The following PCSK6 variants were observed in gnomAD, a reference collection of about 807,000 sequenced individuals.
PCSK6 encodes the protein proprotein convertase subtilisin/kexin type 6, also known as paired basic amino acid cleaving enzyme 4.
PCSK6 carries 85 observed loss-of-function variants against 123.3 expected under a neutral mutation model. That is an observed-to-expected ratio of 0.69 (90% CI 0.58 to 0.83). PCSK6 has a LOEUF of 0.83. Ranked by LOEUF, PCSK6 falls within the 40% of genes least tolerant of loss-of-function variation. The pLI is 0.00. For synonymous variants in PCSK6, 508 were observed against 516.0 expected (o/e 0.98, Z 0.21); for missense variants, 1,191 against 1,282.3 (o/e 0.93, Z 1.09).
chr15:101,452,810 C>T (rs550739810), intron 1 of PCSK6, among the ~76,000 whole-genome samples: 1 of 73,424 alleles, frequency 1.4e-5, no homozygotes, highest in East Asian at 7.5e-4. Flanking sequence ...CTGATAAAGA[C>T]CGGTGGAATT....
In PCSK6 at chr15:101,474,425, T is replaced by TG. The variant is rs576947335; in HGVS notation, c.297+14948dup. Among the ~76,000 whole-genome samples, 22 of 152,260 alleles carry TG rather than the reference T, an allele frequency of 1.4e-4. No individual in the cohort carries two copies. In the East Asian group the frequency reaches 3.9e-3, roughly 27 times the overall value. On this transcript the variant is annotated intron_variant, in intron 1 of 21. Coordinates refer to ENST00000611716, the MANE Select transcript of PCSK6 (RefSeq NM_002570.5). ...AAACTGGCGCCACGGCGGTGATCAC[T>TG]GGGGTGCGCAGCCTGCCTGACCCAT...
In PCSK6 at chr15:101,312,963, C is replaced by A. The variant is rs907067822; in HGVS notation, c.2699+413G>T. 19 of 1,021,604 alleles carry A rather than the reference C, an allele frequency of 1.9e-5. No individual in the cohort carries two copies. In the East Asian group the frequency reaches 9.8e-4, roughly 53 times the overall value. The allele number at this position is 1,021,604 out of a possible 1,614,324, so 63.3% of individuals were successfully genotyped here. ...GAGGTTGCAGTGAGCTGAGGTCACA[C>A]CAGTGCACTCCAGCCTGGGCGACAG... is the stretch of plus-strand genomic sequence containing the variant. On this transcript the variant is annotated intron_variant, in intron 20 of 21. Coordinates refer to ENST00000611716, the MANE Select transcript of PCSK6 (RefSeq NM_002570.5).
At chr15:101,429,247 AG>A (rs2056364749) in intron 5 of PCSK6, among the ~76,000 whole-genome samples, 1 of 152,174 alleles carries the variant, frequency 6.6e-6, no homozygotes, top group East Asian at 1.9e-4. Context: ...GGAAAGAGAC[AG>A]CAAATGAATT....
At chr15:101,432,758 A>G (rs550884968) in intron 2 of PCSK6, among the ~76,000 whole-genome samples, 1 of 152,360 alleles carries the variant, frequency 6.6e-6, no homozygotes, top group Non-Finnish European at 1.5e-5. Context: ...GTCCTGAAGA[A>G]AAAGGAAATA....
At chr15:101,341,228 C>T (rs1425859716) in intron 13 of PCSK6, among the ~76,000 whole-genome samples, 5 of 148,378 alleles carry the variant, frequency 3.4e-5, no homozygotes, top group South Asian at 2.1e-4. Flanking sequence ...AGCCGCACCG[C>T]GCCTGGCCAA....
rs763523679 is a variant in PCSK6 at position 101,398,354 on chromosome 15, A to C, written c.996+50T>G. ...CACTCTGATACTTGTTAAAATGTTT[A>C]CTGTCACCCTTGTCCCAGAGCGCTC... is the stretch of plus-strand genomic sequence containing the variant. On this transcript the variant is annotated intron_variant, in intron 7 of 21. Coordinates refer to ENST00000611716, the MANE Select transcript of PCSK6 (RefSeq NM_002570.5). This position sits in a 1 kb window ranked among gnomAD's most constrained non-coding sequence, Gnocchi z 4.6. The C allele has an allele frequency of 6.5e-7, 1 of 1,546,708 alleles. No individual in the cohort carries two copies. The highest frequency in any genetic ancestry group is 8.8e-7 in the Non-Finnish European group (1 of 1,139,232).
chr15:101,475,159 A>T (rs1342517085), intron 1 of PCSK6, among the ~76,000 whole-genome samples: 1 of 151,860 alleles, frequency 6.6e-6, no homozygotes, highest in Non-Finnish European at 1.5e-5. Context: ...TCCGTTCACT[A>T]CTCCTCTCGC....
At position 101,419,437 on chromosome 15, in the gene PCSK6, T is replaced by A. The variant is rs1304600243; in HGVS notation, c.823+8455A>T. Among the ~76,000 whole-genome samples, 3 of 151,682 alleles carry A rather than the reference T, an allele frequency of 2.0e-5. No homozygotes were observed. In the East Asian group the frequency reaches 5.8e-4, roughly 29 times the overall value. Reference sequence around the variant, plus strand: ...AAGAAGACCTGAATAAATAAAAACATACCATGCTCCTGGGTGGGAAGACTC... The same window carrying A: ...AAGAAGACCTGAATAAATAAAAACAAACCATGCTCCTGGGTGGGAAGACTC... On this transcript the variant is annotated intron_variant, in intron 6 of 21. Coordinates refer to ENST00000611716, the MANE Select transcript of PCSK6 (RefSeq NM_002570.5).
intron 6 of PCSK6, among the ~76,000 whole-genome samples, chr15:101,400,479 C>G (rs1334480828): frequency 1.3e-5 from 2 of 152,186 alleles, no homozygotes. Flanking sequence ...TCAAAAGCAG[C>G]AACTTTAAAT....
At chr15:101,401,885 C>T (rs1330351574) in intron 6 of PCSK6, among the ~76,000 whole-genome samples, 1 of 152,002 alleles carries the variant, frequency 6.6e-6, no homozygotes. Context: ...CATCAAGCTA[C>T]CAATGACTTT....
chr15:101,352,844 T>C lies in PCSK6; in HGVS notation c.1858+13352A>G, dbSNP rs148038945. On this transcript the variant is annotated intron_variant, in intron 13 of 21. Transcript: ENST00000611716. ...AACCCTTCTTTGTGAAGAAGAGATA[T>C]CTCAGTGATACTGAATCCTCCCATT... Among the ~76,000 whole-genome samples, 6 of 152,352 alleles carry C rather than the reference T, an allele frequency of 3.9e-5. No individual in the cohort carries two copies. In the East Asian group the frequency reaches 1.2e-3, roughly 29 times the overall value.
intron 6 of PCSK6, among the ~76,000 whole-genome samples, chr15:101,413,801 C>T (rs1433574777): frequency 6.6e-6 from 1 of 151,914 alleles, no homozygotes; most frequent in Non-Finnish European, 1.5e-5. Flanking sequence ...TCACAGGTAC[C>T]TCTTAAATAT....
intron 6 of PCSK6, among the ~76,000 whole-genome samples, chr15:101,427,198 G>T (rs1368953758): frequency 6.6e-6 from 1 of 151,884 alleles, no homozygotes; most frequent in Non-Finnish European, 1.5e-5. Context: ...AAGACCAGAC[G>T]CACGCGGGGC....
Position 101,433,361 on chromosome 15 carries a change from G to A in PCSK6, c.403-1261C>T, listed in dbSNP as rs28633166. ...CTTTTTCATTTTAAAAGGATCTTGGGGTAAAGACTTCTTGGACCCTGAGTG... is the reference window on the plus strand; with the variant it reads ...CTTTTTCATTTTAAAAGGATCTTGGAGTAAAGACTTCTTGGACCCTGAGTG... On this transcript the variant is annotated intron_variant, in intron 2 of 21. Transcript: ENST00000611716. Among the ~76,000 whole-genome samples the A allele has an allele frequency of 1.8e-3, 269 of 152,342 alleles. 1 individual carries two copies. The highest frequency in any genetic ancestry group is 6.2e-3 in the African/African-American group (258 of 41,580).
rs145494510 is a variant in PCSK6 at position 101,350,622 on chromosome 15, G to A, written c.1858+15574C>T. Among the ~76,000 whole-genome samples the A allele has an allele frequency of 2.8e-4, 42 of 152,308 alleles. No homozygotes were observed. The East Asian group carries it at 5.6e-3, about 20-fold the overall frequency. On this transcript the variant is annotated intron_variant, in intron 13 of 21. Coordinates refer to ENST00000611716, the MANE Select transcript of PCSK6 (RefSeq NM_002570.5). ...AATTAGACCGGGGGGCCTCTGAGCCGGCCCTGGGAAGAATGAGGCCAATGA... is the reference window on the plus strand; with the variant it reads ...AATTAGACCGGGGGGCCTCTGAGCCAGCCCTGGGAAGAATGAGGCCAATGA...
intron 1 of PCSK6, among the ~76,000 whole-genome samples, chr15:101,451,002 T>G (rs772759134): frequency 7.9e-5 from 12 of 151,388 alleles, no homozygotes; most frequent in Admixed American, 2.0e-4. Context: ...AGAAGCGGCT[T>G]GCAGGGCCAC....
intron 5 of PCSK6, among the ~76,000 whole-genome samples, chr15:101,428,523 T>C (rs1398413323): frequency 1.3e-5 from 2 of 152,208 alleles, no homozygotes; most frequent in Non-Finnish European, 2.9e-5. Context: ...AAGCTGGAGC[T>C]GAGGAAGAAC....
chr15:101,402,249 G>A (rs6598470), intron 6 of PCSK6, among the ~76,000 whole-genome samples: 1 of 142,916 alleles, frequency 7.0e-6, no homozygotes, highest in Admixed American at 7.0e-5. Flanking sequence ...CCCTTCCTTA[G>A]ACCTTATACA....
chr15:101,461,863 A>T (rs895906479), intron 1 of PCSK6, among the ~76,000 whole-genome samples: 1 of 152,196 alleles, frequency 6.6e-6, no homozygotes, highest in African/African-American at 2.4e-5. Flanking sequence ...GCAAATATCA[A>T]TCTTAATGTG....
Sources: gnomAD v4.1 joint callset for allele counts (sites outside exome capture counted in the v4.1 genomes callset) on GRCh38, gnomAD v4.1.1 for gene constraint, Gnocchi (gnomAD v3.1) non-coding constraint, MANE v1.5 for transcripts, NCBI Gene and HGNC (gene_info 2026-07-23, HGNC 2026-07-21) for gene names.